ERI3: variants seen among roughly 807,000 people sequenced by gnomAD.
ERI3 encodes ERI1 exoribonuclease 3.
ERI3 carries 18 observed loss-of-function variants against 44.4 expected under a neutral mutation model. That is an observed-to-expected ratio of 0.41 (90% confidence interval 0.28 to 0.60). ERI3 has a LOEUF of 0.60. ERI3 is among the 20% of genes least tolerant of loss of function. ERI3 has a pLI of 0.36. For synonymous variants in ERI3, 183 were observed against 164.8 expected (o/e 1.11, Z -0.84); for missense variants, 294 against 435.5 (o/e 0.68, Z 2.89).
intron 7 of ERI3, among the ~76,000 whole-genome samples, chr1:44,251,849 G>A (rs1398417674): frequency 6.6e-6 from 1 of 152,172 alleles, no homozygotes. Context: ...ACTCCTGCCT[G>A]CTCCCTCTCA....
At chr1:44,331,480 A>G (rs1646428648) in intron 3 of ERI3, among the ~76,000 whole-genome samples, 1 of 152,026 alleles carries the variant, frequency 6.6e-6, no homozygotes, top group Non-Finnish European at 1.5e-5. Context: ...AGCTTACACC[A>G]TATCCACTTT....
intron 6 of ERI3, among the ~76,000 whole-genome samples, chr1:44,294,780 C>G (rs1645576216): frequency 1.3e-5 from 2 of 152,234 alleles, no homozygotes; most frequent in South Asian, 4.1e-4. Flanking sequence ...CCAGGGAAAC[C>G]AGGAGCTCCT....
intron 8 of ERI3, 120 bp downstream of exon 8, chr1:44,247,819 G>A: frequency 1.4e-6 from 1 of 704,108 alleles, no homozygotes; most frequent in Non-Finnish European, 2.3e-6. Flanking sequence ...CCCCACCTAT[G>A]TAGAGAGCCC....
chr1:44,341,478 G>A (rs566874410), intron 2 of ERI3, among the ~76,000 whole-genome samples: 32 of 152,298 alleles, frequency 2.1e-4, no homozygotes, highest in Non-Finnish European at 2.6e-4. Flanking sequence ...GATGTCTTCT[G>A]CAACCCTAAA....
chr1:44,353,549 T>C (rs1043676846), intron 1 of ERI3: 1 of 985,332 alleles, frequency 1.0e-6, no homozygotes, highest in Non-Finnish European at 1.2e-6. Flanking sequence ...GGAACTAATA[T>C]ATTCCTGTCT....
At chr1:44,300,676 C>G (rs1007373821) in intron 6 of ERI3, among the ~76,000 whole-genome samples, 1 of 152,168 alleles carries the variant, frequency 6.6e-6, no homozygotes, top group Non-Finnish European at 1.5e-5. Flanking sequence ...AATGGTTAAT[C>G]CCCAGCCAAG....
intron 4 of ERI3, 41 bp from the exon 5 acceptor site, chr1:44,313,269 G>A (rs1646012505): frequency 1.9e-6 from 3 of 1,593,156 alleles, no homozygotes; most frequent in South Asian, 1.1e-5. Context: ...GAAAACCAGG[G>A]TGAAGGGACT....
At chr1:44,259,916 T>TA (rs1644859495) in intron 7 of ERI3, among the ~76,000 whole-genome samples, 1 of 141,406 alleles carries the variant, frequency 7.1e-6, no homozygotes, top group African/African-American at 2.9e-5. Context: ...GATAGATAGA[T>TA]AGATAGACAG....
rs937673192 is a variant in ERI3, at chr1:44,221,921, C to T, written c.932-281G>A. Among the ~76,000 whole-genome samples, 9 of 152,320 alleles carry T rather than the reference C, an allele frequency of 5.9e-5. No homozygotes were observed. The highest frequency in any genetic ancestry group is 2.1e-4 in the South Asian group (1 of 4,826). On this transcript the variant is annotated intron_variant, in intron 8 of 8. Transcript: ENST00000372257. This position sits in a 1 kb window ranked among gnomAD's most constrained non-coding sequence, Gnocchi z 5.9. ...AGCCCCAGCGGTGATGTATGGGCGCCGTCGCAGTAAGAAAAAGGCAGAGTA... is the reference window on the plus strand; with the variant it reads ...AGCCCCAGCGGTGATGTATGGGCGCTGTCGCAGTAAGAAAAAGGCAGAGTA...
chr1:44,297,818 T>C (rs1042973608), intron 6 of ERI3, among the ~76,000 whole-genome samples: 1 of 152,188 alleles, frequency 6.6e-6, no homozygotes, highest in African/African-American at 2.4e-5. Context: ...AAGTTGGAGA[T>C]TAATTCTCTC....
At position 44,261,281 on chromosome 1, in the gene ERI3, G is replaced by A. The variant is rs58274919; in HGVS notation, c.832-13243C>T. On this transcript the variant is annotated intron_variant, in intron 7 of 8. Transcript: ENST00000372257. The stretch of plus-strand genomic sequence containing the variant: ...CGTGGCACGCCCCAGCGGGCAGGGC[G>A]CACAGCGCGGAGGAAGGCGCGAGTC... Among the ~76,000 whole-genome samples, 993 of 152,374 alleles carry A rather than the reference G, an allele frequency of 6.5e-3. 10 individuals are homozygous for A. Among genetic ancestry groups the A allele is most frequent in the African/African-American group, 0.023 (957 of 41,590 alleles).
At chr1:44,303,719 A>G (rs1366994586) in intron 6 of ERI3, among the ~76,000 whole-genome samples, 1 of 152,160 alleles carries the variant, frequency 6.6e-6, no homozygotes, top group Non-Finnish European at 1.5e-5. Context: ...TAAAGATGTA[A>G]GCAAGAACCT....
intron 3 of ERI3, 109 bp downstream of exon 3, chr1:44,338,936 T>G: frequency 7.4e-7 from 1 of 1,343,844 alleles, no homozygotes. Flanking sequence ...AATGAGTAGC[T>G]AAAAGACAGG....
At chr1:44,339,687 A>C (rs1646611761) in intron 2 of ERI3, among the ~76,000 whole-genome samples, 1 of 152,208 alleles carries the variant, frequency 6.6e-6, no homozygotes, top group Non-Finnish European at 1.5e-5. Context: ...TTAACATTAA[A>C]GCTATGGGTC....
chr1:44,311,894 A>C (rs1645980477), intron 5 of ERI3, among the ~76,000 whole-genome samples: 2 of 151,526 alleles, frequency 1.3e-5, no homozygotes, highest in South Asian at 4.2e-4. Context: ...CATAGGAATG[A>C]ATCTCTTCAA....
chr1:44,334,687 C>A (rs1049631057), intron 3 of ERI3, among the ~76,000 whole-genome samples: 39 of 152,318 alleles, frequency 2.6e-4, no homozygotes, highest in African/African-American at 9.4e-4. Context: ...ACACCAAAGC[C>A]TGTAACTGGC....
intron 7 of ERI3, among the ~76,000 whole-genome samples, chr1:44,271,552 A>G (rs967962208): frequency 6.6e-6 from 1 of 152,162 alleles, no homozygotes; most frequent in African/African-American, 2.4e-5. Context: ...TCTATCACTC[A>G]CCAGCTGATG....
intron 4 of ERI3, among the ~76,000 whole-genome samples, chr1:44,314,736 T>G (rs1372972090): frequency 6.6e-6 from 1 of 152,186 alleles, no homozygotes; most frequent in African/African-American, 2.4e-5. Context: ...CCTCCTTTTA[T>G]TTAGTCAACA....
rs149068183 is a variant in ERI3 at position 44,319,724 on chromosome 1, G to A, written c.510C>T (p.Ile170=). The A allele has an allele frequency of 6.2e-7, 1 of 1,613,886 alleles. No individual in the cohort carries two copies. The highest frequency in any genetic ancestry group is 8.5e-7 in the Non-Finnish European group (1 of 1,179,768). The change falls in exon 4 of 9, where the codon ATC becomes ATT. Residue 170 remains isoleucine, a synonymous_variant. Transcript: ENST00000372257. ...CCATGGTCCGGCCATTTAGCTTTAGGATGGGGAACTCGATGATTTCCTGGA... is the reference window on the plus strand; with the variant it reads ...CCATGGTCCGGCCATTTAGCTTTAGAATGGGGAACTCGATGATTTCCTGGA... ...IHPQEIIEFP[I]LKLNGRTMEI...
Sources: gnomAD v4.1 joint callset for allele counts (sites outside exome capture counted in the v4.1 genomes callset) on GRCh38, gnomAD v4.1.1 for gene constraint, Gnocchi (gnomAD v3.1) non-coding constraint, MANE v1.5 for transcripts, NCBI Gene and HGNC (gene_info 2026-07-23, HGNC 2026-07-21) for gene names.